The following NELL1 variants were observed in gnomAD, a reference collection of about 807,000 sequenced individuals.
NELL1 encodes the protein neural EGFL like 1.
NELL1 carries 76 observed loss-of-function variants against 107.4 expected under a neutral mutation model. The observed-to-expected ratio is 0.71, with a 90% CI of 0.59 to 0.86. The LOEUF (loss-of-function observed/expected upper bound fraction) is 0.86. Ranked by LOEUF, NELL1 falls within the 40% of genes least tolerant of loss-of-function variation. NELL1 has a pLI of 0.00. For missense variants in NELL1, 1,024 were observed against 1,005.5 expected (o/e 1.02, Z -0.25); for synonymous variants, 353 against 341.2 (o/e 1.03, Z -0.38).
At chr11:21,230,790 A>G (rs2133885434) in intron 14 of NELL1, among the ~76,000 whole-genome samples, 1 of 143,306 alleles carries the variant, frequency 7.0e-6, no homozygotes, top group South Asian at 2.4e-4. Flanking sequence ...ATACATGACT[A>G]TGAGTGTAAA....
chr11:21,014,574 C>A (rs1852522602), intron 12 of NELL1, among the ~76,000 whole-genome samples: 3 of 152,084 alleles, frequency 2.0e-5, no homozygotes, highest in Non-Finnish European at 4.4e-5. Context: ...CTGCTTACCT[C>A]CTGGTTTCAG....
intron 12 of NELL1, among the ~76,000 whole-genome samples, chr11:21,011,844 A>G (rs1852453727): frequency 6.6e-6 from 1 of 152,142 alleles, no homozygotes; most frequent in Admixed American, 6.5e-5. Context: ...CTTAGTGCAT[A>G]ATGAACATCC....
chr11:20,765,990 T>G (rs1025954238), intron 2 of NELL1, among the ~76,000 whole-genome samples: 1 of 152,160 alleles, frequency 6.6e-6, no homozygotes, highest in African/African-American at 2.4e-5. Context: ...GAGGATTGGA[T>G]TTTGTCTTAG....
intron 14 of NELL1, among the ~76,000 whole-genome samples, chr11:21,365,392 C>T (rs549991043): frequency 6.6e-6 from 1 of 152,272 alleles, no homozygotes; most frequent in East Asian, 1.9e-4. Flanking sequence ...ACTTATTTAG[C>T]TTATCTAAGC....
chr11:21,550,763 G>A (rs1294395047), intron 16 of NELL1, among the ~76,000 whole-genome samples: 2 of 152,088 alleles, frequency 1.3e-5, no homozygotes, highest in African/African-American at 4.8e-5. Context: ...GTAGTTTGAA[G>A]TCAGGTAGCG....
At chr11:21,312,293 A>C (rs1307864337) in intron 14 of NELL1, among the ~76,000 whole-genome samples, 1 of 152,060 alleles carries the variant, frequency 6.6e-6, no homozygotes, top group Non-Finnish European at 1.5e-5. Context: ...TACTCTTAGC[A>C]ACTACCCGGA....
intron 15 of NELL1, among the ~76,000 whole-genome samples, chr11:21,418,761 G>A (rs941793263): frequency 6.6e-6 from 1 of 152,074 alleles, no homozygotes; most frequent in East Asian, 1.9e-4. Context: ...AAGCTTTAAA[G>A]CCATTGCATA....
At chr11:21,443,417 C>T (rs1330893929) in intron 15 of NELL1, among the ~76,000 whole-genome samples, 4 of 151,962 alleles carry the variant, frequency 2.6e-5, no homozygotes, top group Non-Finnish European at 4.4e-5. Context: ...GTTAAGTAGA[C>T]TGGCTAAGGC....
chr11:21,071,814 T>C (rs1854022811), intron 12 of NELL1, among the ~76,000 whole-genome samples: 1 of 152,164 alleles, frequency 6.6e-6, no homozygotes, highest in Non-Finnish European at 1.5e-5. Flanking sequence ...ATAGGTGTCT[T>C]AATGAGATGA....
At chr11:21,541,194 A>G (rs1856284702) in intron 16 of NELL1, among the ~76,000 whole-genome samples, 1 of 152,146 alleles carries the variant, frequency 6.6e-6, no homozygotes, top group South Asian at 2.1e-4. Context: ...GACACACTCC[A>G]AGATGACATA....
intron 15 of NELL1, among the ~76,000 whole-genome samples, chr11:21,475,137 G>A (rs4922828): frequency 0.64 from 97,091 of 151,940 alleles, 32,115 homozygotes; most frequent in East Asian, 0.91. Context: ...CTAACTTAAT[G>A]CCCTAAATTT....
At chr11:21,318,638 CA>C (rs1849933087) in intron 14 of NELL1, among the ~76,000 whole-genome samples, 1 of 151,042 alleles carries the variant, frequency 6.6e-6, no homozygotes, top group African/African-American at 2.5e-5. Flanking sequence ...CACTAGTGTG[CA>C]AACTCCAGAG....
intron 7 of NELL1, among the ~76,000 whole-genome samples, chr11:20,922,715 T>G (rs921930787): frequency 6.6e-6 from 1 of 152,126 alleles, no homozygotes; most frequent in Non-Finnish European, 1.5e-5. Context: ...ATAGTGGAGA[T>G]AGAGAATGGG....
intron 5 of NELL1, among the ~76,000 whole-genome samples, chr11:20,909,862 G>A (rs1374657545): frequency 6.6e-6 from 1 of 152,046 alleles, no homozygotes; most frequent in African/African-American, 2.4e-5. Flanking sequence ...TGTATTTTAA[G>A]TGCTAGGGTA....
At chr11:20,737,951 A>G (rs1855799708) in intron 2 of NELL1, among the ~76,000 whole-genome samples, 1 of 150,146 alleles carries the variant, frequency 6.7e-6, no homozygotes, top group Non-Finnish European at 1.5e-5. Context: ...ATTCTTCCAT[A>G]CTAGATATAA....
chr11:21,316,663 A>C (rs893566217), intron 14 of NELL1, among the ~76,000 whole-genome samples: 1 of 152,180 alleles, frequency 6.6e-6, no homozygotes, highest in African/African-American at 2.4e-5. Flanking sequence ...CAGATTACTG[A>C]ATAGAGAATT....
chr11:21,267,435 C>G (rs1014259657), intron 14 of NELL1, among the ~76,000 whole-genome samples: 1 of 151,820 alleles, frequency 6.6e-6, no homozygotes, highest in Non-Finnish European at 1.5e-5. Context: ...GCATTTTTTT[C>G]TCTCCAAGAA....
intron 4 of NELL1, among the ~76,000 whole-genome samples, chr11:20,849,730 G>A (rs1225470725): frequency 6.6e-6 from 1 of 152,088 alleles, no homozygotes; most frequent in Non-Finnish European, 1.5e-5. Flanking sequence ...TTTTCAGGTA[G>A]GTCAGGAGAA....
chr11:20,747,707 T>A (rs1856036290), intron 2 of NELL1, among the ~76,000 whole-genome samples: 1 of 152,206 alleles, frequency 6.6e-6, no homozygotes, highest in Non-Finnish European at 1.5e-5. Context: ...GTTCACATCA[T>A]AGCAGAAGGC....
Sources: allele counts gnomAD v4.1 joint callset (sites outside exome capture counted in the v4.1 genomes callset), GRCh38; gene constraint gnomAD v4.1.1; transcripts MANE v1.5; gene names NCBI Gene and HGNC (gene_info 2026-07-23, HGNC 2026-07-21).